MYH1: variants seen among roughly 807,000 people sequenced by gnomAD.
The protein encoded by MYH1 is myosin heavy chain 1.
Under a neutral mutation model 225.6 loss-of-function variants are expected in MYH1, and 214 were observed. The ratio of observed to expected loss-of-function variants is 0.95; its 90% CI spans 0.85 to 1.06. The LOEUF (loss-of-function observed/expected upper bound fraction) is 1.06. Among genes scored for constraint, MYH1 ranks in the 50% least tolerant of loss-of-function variants. MYH1 has a pLI of 0.00. For synonymous variants in MYH1, 774 were observed against 842.3 expected (o/e 0.92, Z 1.40); for missense variants, 2,098 against 2,344.2 (o/e 0.89, Z 2.17).
chr17:10,497,352 T>A lies in MYH1; in HGVS notation c.4466A>T (p.Lys1489Met). 1 of 1,613,482 alleles carries A rather than the reference T, an allele frequency of 6.2e-7. No homozygotes were observed. Among genetic ancestry groups the A allele is most frequent in the Non-Finnish European group, 8.5e-7 (1 of 1,179,892 alleles). ...GTCTAAAGATTCCTCATAAGCATTC[T>A]TAATCTTAAATAGTTCTGTGCTGAG... ...RSLSTELFKI[K>M]NAYEESLDQL... The change falls in exon 32 of 40, where the codon AAG (lysine) becomes ATG (methionine). Residue 1489 changes from lysine (K) to methionine (M), a missense_variant. Transcript: ENST00000226207.
Position 10,497,999 on chromosome 17 carries a change from A to C in MYH1, c.4182-82T>G, listed in dbSNP as rs761697190. On this transcript the variant is annotated intron_variant, in intron 30 of 39. Transcript: ENST00000226207. ...GTGGGTACAAGAGAGTGAATTCCAC[A>C]ATCAGACTTCTTTAATACTTTGCTT... is the stretch of plus-strand genomic sequence containing the variant. The C allele has an allele frequency of 5.2e-5, 68 of 1,308,204 alleles. No homozygotes were observed. In the Admixed American group the frequency reaches 5.5e-4, roughly 11 times the overall value. The allele number at this position is 1,308,204 out of a possible 1,614,324, so 81.0% of individuals were successfully genotyped here.
At chr17:10,508,019 TTTTTTTTTG>T in intron 16 of MYH1, 63 bp from the exon 17 acceptor site, 1 of 1,226,028 alleles carries the variant, frequency 8.2e-7, no homozygotes, top group Non-Finnish European at 1.1e-6. Context: ...TTTTTTTTTG[TTTTTTTTTG>T]TTTTTTTTGA....
chr17:10,504,384 G>T (rs2073088559), intron 22 of MYH1, among the ~76,000 whole-genome samples: 1 of 152,190 alleles, frequency 6.6e-6, no homozygotes, highest in Admixed American at 6.5e-5. Flanking sequence ...ATAAAGTTGA[G>T]CACAAAGTTG....
intron 6 of MYH1, among the ~76,000 whole-genome samples, 179 bp downstream of exon 6, chr17:10,514,689 G>T (rs1214759868): frequency 6.6e-6 from 1 of 152,150 alleles, no homozygotes; most frequent in African/African-American, 2.4e-5. Flanking sequence ...AGGTGATTTA[G>T]AACATTATTA....
In MYH1 at chr17:10,514,815, C is replaced by A. The variant is rs1361130144; in HGVS notation, c.533+53G>T. 4.5e-6 allele frequency: 7 copies of A among 1,551,442 alleles called. No homozygotes were observed. The Admixed American group carries it at 1.2e-4, about 27-fold the overall frequency. ...TAACTAATTTCTTTTTTTGGTTTGTCATTTTTCCAGTAAGAACAAACTGCC... is the reference window on the plus strand; with the variant it reads ...TAACTAATTTCTTTTTTTGGTTTGTAATTTTTCCAGTAAGAACAAACTGCC... On this transcript the variant is annotated intron_variant, in intron 6 of 39. Transcript: ENST00000226207.
intron 19 of MYH1, 78 bp from the exon 20 acceptor site, chr17:10,505,589 T>C: frequency 6.5e-7 from 1 of 1,537,130 alleles, no homozygotes; most frequent in Non-Finnish European, 8.9e-7. Context: ...AGAAACAACA[T>C]AGCCACTGGG....
chr17:10,513,473 C>T (rs928332687), intron 9 of MYH1, among the ~76,000 whole-genome samples, 153 bp downstream of exon 9: 7 of 152,160 alleles, frequency 4.6e-5, no homozygotes, highest in Admixed American at 2.6e-4. Flanking sequence ...GTAAAGCATA[C>T]TGTGGGCTAT....
Position 10,497,820 on chromosome 17 carries a change from T to G in MYH1, c.4279A>C (p.Asn1427His). 3 of 1,614,094 alleles carry G rather than the reference T, an allele frequency of 1.9e-6. No individual in the cohort carries two copies. The highest frequency in any genetic ancestry group is 2.5e-6 in the Non-Finnish European group (3 of 1,180,020). The change falls in exon 31 of 40, where the codon AAT (asparagine) becomes CAT (histidine). Residue 1427 changes from asparagine to histidine, a missense_variant. Transcript: ENST00000226207. ...TCAATCATGAGGTCCTCAACTTCAT[T>G]CTGGAGCCTCTGCTTCGTCTTCTCA... ...SLEKTKQRLQNEVEDLMIDVE... is the reference protein window; with the variant it reads ...SLEKTKQRLQHEVEDLMIDVE...
intron 39 of MYH1, 108 bp downstream of exon 39, chr17:10,494,246 T>C: frequency 9.1e-7 from 1 of 1,097,428 alleles, no homozygotes; most frequent in Non-Finnish European, 1.3e-6. Flanking sequence ...TGTAGCCATT[T>C]GTTTTCTTTT....
chr17:10,512,657 A>T, intron 11 of MYH1, 24 bp downstream of exon 11: 1 of 1,612,748 alleles, frequency 6.2e-7, no homozygotes, highest in Non-Finnish European at 8.5e-7. Context: ...ATGGATTTTA[A>T]ATTAAAATTC....
chr17:10,494,779 C>G, intron 37 of MYH1, 106 bp from the exon 38 acceptor site: 1 of 1,582,758 alleles, frequency 6.3e-7, no homozygotes, highest in Non-Finnish European at 8.6e-7. Context: ...TTTTAATGCC[C>G]TAGTTCAGTT....
intron 30 of MYH1, among the ~76,000 whole-genome samples, chr17:10,498,312 G>C (rs1336243953): frequency 6.6e-6 from 1 of 152,158 alleles, no homozygotes; most frequent in Non-Finnish European, 1.5e-5. Flanking sequence ...TATTCTTGTA[G>C]GCTGTCCAAC....
At position 10,516,044 on chromosome 17, in the gene MYH1, G is replaced by A. The variant is rs2073223780; in HGVS notation, c.387C>T (p.Tyr129=). The change falls in exon 5 of 40, where the codon TAC becomes TAT. Residue 129 remains tyrosine, a synonymous_variant. Transcript: ENST00000226207. The part of the protein sequence containing the change: ...SGLFCVTVNP[Y]KWLPVYNAEV... ...CTGCATTATACACTGGCAACCACTT[G>A]TAGGGGTTGACAGTGACACAGAACA... 25 of 1,614,180 alleles carry A rather than the reference G, an allele frequency of 1.5e-5. No homozygotes were observed. Among genetic ancestry groups the A allele is most frequent in the Non-Finnish European group, 2.1e-5 (25 of 1,180,030 alleles).
Position 10,494,614 on chromosome 17 carries a change from C to T in MYH1, c.5526G>A (p.Lys1842=), listed in dbSNP as rs753500320. 6.2e-7 allele frequency: 1 copy of T among 1,614,064 alleles called. No individual in the cohort carries two copies. Among genetic ancestry groups the T allele is most frequent in the South Asian group, 1.1e-5 (1 of 91,072 alleles). Residue 1842 remains lysine (K), a synonymous_variant, in exon 38 of 40, where the codon AAG becomes AAA. Coordinates refer to ENST00000226207, the MANE Select transcript of MYH1 (RefSeq NM_005963.4). ...CTTTTCTCTCATGTTTGCGTAGACC[C>T]TTGACAGCTTCAACATTGCGCTTCT... ...SEQKRNVEAV[K]GLRKHERKVK...
At position 10,508,410 on chromosome 17, in the gene MYH1, A is replaced by G. The variant is rs762268159; in HGVS notation, c.1850T>C (p.Met617Thr). The G allele has an allele frequency of 1.2e-6, 2 of 1,613,698 alleles. No individual in the cohort carries two copies. The highest frequency in any genetic ancestry group is 1.7e-6 in the Non-Finnish European group (2 of 1,179,732). ...AACAAAGAGGAGAGCCAGAGTCTTC[A>G]TTGCAGACTTCTGGTACAGCCCCAC... ...TVVGLYQKSA[M>T]KTLALLFVGA... The change falls in exon 16 of 40, where the codon ATG becomes ACG. Residue 617 changes from methionine to threonine, a missense_variant. Transcript: ENST00000226207.
chr17:10,502,698 C>T (rs777695296), intron 24 of MYH1, 40 bp downstream of exon 24: 2 of 1,613,862 alleles, frequency 1.2e-6, no homozygotes, highest in African/African-American at 2.7e-5. Context: ...TAGTTTGTTA[C>T]AAAATTTAAA....
rs1597437724 is a variant in MYH1, at chr17:10,501,885, C to A, written c.3138G>T (p.Lys1046Asn). The A allele has an allele frequency of 6.2e-7, 1 of 1,607,912 alleles. No homozygotes were observed. The highest frequency in any genetic ancestry group is 2.2e-5 in the East Asian group (1 of 44,832). Residue 1046 changes from lysine (K) to asparagine (N), a missense_variant, in exon 25 of 40, where the codon AAG becomes AAT. Physicochemically the swap from Lys to Asn is moderately conservative, Grantham distance 94 (BLOSUM62 0). Transcript: ENST00000226207. The part of the protein sequence containing the change: ...DDLEGSLEQE[K>N]KIRMDLERAK... ...CTCTTTCTAGATCCATCCGGATTTTCTTTTCTTGTTCCAAAGATCCTTCAA... is the reference window on the plus strand; with the variant it reads ...CTCTTTCTAGATCCATCCGGATTTTATTTTCTTGTTCCAAAGATCCTTCAA...
Position 10,501,237 on chromosome 17 carries a change from A to G in MYH1, c.3611T>C (p.Val1204Ala), listed in dbSNP as rs756775939. The G allele has an allele frequency of 3.5e-5, 56 of 1,614,042 alleles. No homozygotes were observed. In the Admixed American group the frequency reaches 9.3e-4, roughly 27 times the overall value. ...ATLRKKHADS[V>A]AELGEQIDNL... ...GTCAATCTGCTCCCCAAGCTCGGCC[A>G]CACTATCTGCATGCTTCTTCCTCAG... The change falls in exon 27 of 40, where the codon GTG (valine) becomes GCG (alanine). Residue 1204 changes from valine to alanine, a missense_variant. Coordinates refer to ENST00000226207, the MANE Select transcript of MYH1 (RefSeq NM_005963.4).
chr17:10,512,517 T>C lies in MYH1; in HGVS notation c.1038A>G (p.Ser346=). ...DSAIEILGFT[S]DERVSIYKLT... ...GCTTATAGATGGACACTCTTTCATCTGAAGTAAAGCCCAGAATTTCAATGG... is the reference window on the plus strand; with the variant it reads ...GCTTATAGATGGACACTCTTTCATCCGAAGTAAAGCCCAGAATTTCAATGG... Residue 346 remains serine (S), a synonymous_variant, in exon 12 of 40, where the codon TCA becomes TCG. Coordinates refer to ENST00000226207, the MANE Select transcript of MYH1 (RefSeq NM_005963.4). The C allele has an allele frequency of 6.2e-7, 1 of 1,614,122 alleles. No homozygotes were observed. The highest frequency in any genetic ancestry group is 1.3e-5 in the African/African-American group (1 of 75,044).
Sources: gnomAD v4.1 joint callset for allele counts (sites outside exome capture counted in the v4.1 genomes callset) on GRCh38, gnomAD v4.1.1 for gene constraint, MANE v1.5 for transcripts, NCBI Gene and HGNC (gene_info 2026-07-23, HGNC 2026-07-21) for gene names.